The following SCAMP1 variants were observed in gnomAD, a reference collection of about 807,000 sequenced individuals.
The protein encoded by SCAMP1 is secretory carrier membrane protein 1, also known as secretory carrier-associated membrane protein 1.
In SCAMP1, 15 loss-of-function variants were observed where a neutral mutation model predicts 41.8. The observed-to-expected ratio is 0.36, with a 90% CI of 0.24 to 0.55. The LOEUF is 0.55. SCAMP1 is among the 20% of genes least tolerant of loss of function. The pLI, the probability that SCAMP1 is intolerant of heterozygous loss-of-function variation, is 0.86. For synonymous variants in SCAMP1, 135 were observed against 136.8 expected, an observed-to-expected ratio of 0.99 and a Z score of 0.09; for missense variants, 341 against 412.6, an observed-to-expected ratio of 0.83 and a Z score of 1.50.
chr5:78,456,387 C>G (rs1391029805), intron 7 of SCAMP1, among the ~76,000 whole-genome samples: 1 of 152,034 alleles, frequency 6.6e-6, no homozygotes, highest in Admixed American at 6.6e-5. Context: ...CTGGTGGTGA[C>G]AAAATCTCTC....
chr5:78,430,100 T>C (rs1752569327), intron 6 of SCAMP1, among the ~76,000 whole-genome samples: 5 of 69,352 alleles, frequency 7.2e-5, no homozygotes, highest in African/African-American at 2.3e-4. Flanking sequence ...TATTTATAAA[T>C]ACAGTATTTA....
At chr5:78,409,420 G>GACAC (rs2112124762) in intron 2 of SCAMP1, among the ~76,000 whole-genome samples, 1 of 48,736 alleles carries the variant, frequency 2.1e-5, no homozygotes, top group South Asian at 7.6e-4. Flanking sequence ...GACACATATA[G>GACAC]ATACACACAC....
chr5:78,447,748 A>G (rs1488556783), intron 6 of SCAMP1, among the ~76,000 whole-genome samples: 1 of 152,038 alleles, frequency 6.6e-6, no homozygotes. Context: ...GCGTGAATAC[A>G]CTGGAGTTCG....
In SCAMP1 at chr5:78,480,002, C is replaced by A. The variant is rs1473043823; in HGVS notation, c.*4334C>A. ...CGGAGCTTGCAGTGAGCCGAGATCT[C>A]TCCACTGCACTCCAGCCTGGGCGAC... is the stretch of plus-strand genomic sequence containing the variant. On this transcript the variant is annotated 3_prime_UTR_variant, in exon 9 of 9. Transcript: ENST00000621999. 6.6e-6 allele frequency among the ~76,000 whole-genome samples: 1 copy of A among 151,744 alleles called. No individual in the cohort carries two copies. Among genetic ancestry groups the A allele is most frequent in the Admixed American group, 6.6e-5 (1 of 15,250 alleles).
rs138833712 is a variant in SCAMP1 at position 78,404,359 on chromosome 5, C to T, written c.136-11161C>T. The stretch of plus-strand genomic sequence containing the variant: ...ACGGGGTCTCACTATATTGCCCAGC[C>T]TGGTCTCAAACGCCTGGGCTCAAAC... On this transcript the variant is annotated intron_variant, in intron 2 of 8. Transcript: ENST00000621999. Among the ~76,000 whole-genome samples the T allele has an allele frequency of 8.6e-5, 13 of 151,666 alleles. No individual in the cohort carries two copies. The East Asian group carries it at 2.5e-3, about 29-fold the overall frequency.
At chr5:78,435,022 A>T (rs1752713450) in intron 6 of SCAMP1, among the ~76,000 whole-genome samples, 1 of 152,236 alleles carries the variant, frequency 6.6e-6, no homozygotes, top group Admixed American at 6.5e-5. Context: ...AACAGTAGGT[A>T]TGTCAGAAAC....
intron 1 of SCAMP1, among the ~76,000 whole-genome samples, chr5:78,381,650 G>A (rs1751207788): frequency 6.6e-6 from 1 of 152,190 alleles, no homozygotes; most frequent in African/African-American, 2.4e-5. Flanking sequence ...AGTAAGTGGA[G>A]TGATTTCATT....
chr5:78,441,444 G>A (rs945843228), intron 6 of SCAMP1, among the ~76,000 whole-genome samples: 2 of 152,110 alleles, frequency 1.3e-5, no homozygotes, highest in Non-Finnish European at 2.9e-5. Flanking sequence ...GATTAAAATA[G>A]TTAGGAAATT....
At chr5:78,384,979 G>A (rs965333738) in intron 1 of SCAMP1, among the ~76,000 whole-genome samples, 14 of 152,084 alleles carry the variant, frequency 9.2e-5, no homozygotes, top group Non-Finnish European at 1.3e-4. Flanking sequence ...ATGATTTAGG[G>A]GGGGATTCCC....
chr5:78,458,032 C>T (rs1479067256), intron 7 of SCAMP1: 1 of 152,886 alleles, frequency 6.5e-6, no homozygotes, highest in Non-Finnish European at 1.5e-5. Context: ...AATGCCTCGC[C>T]CTGCTTCGGC....
At chr5:78,445,829 T>G (rs1753039321) in intron 6 of SCAMP1, among the ~76,000 whole-genome samples, 1 of 152,226 alleles carries the variant, frequency 6.6e-6, no homozygotes, top group African/African-American at 2.4e-5. Context: ...TTGCAGTAAT[T>G]TGGACAGCTC....
At chr5:78,457,050 A>C (rs1753426477) in intron 7 of SCAMP1, among the ~76,000 whole-genome samples, 1 of 121,830 alleles carries the variant, frequency 8.2e-6, no homozygotes, top group Non-Finnish European at 1.7e-5. Flanking sequence ...TCCTTTAAGC[A>C]CTTCTCTGTA....
At chr5:78,382,943 T>C (rs1197963919) in intron 1 of SCAMP1, among the ~76,000 whole-genome samples, 1 of 151,846 alleles carries the variant, frequency 6.6e-6, no homozygotes, top group Non-Finnish European at 1.5e-5. Context: ...TAATGACTTC[T>C]TTTCCTTTGG....
intron 7 of SCAMP1, among the ~76,000 whole-genome samples, chr5:78,452,230 T>A (rs1485653932): frequency 2.0e-5 from 3 of 150,888 alleles, no homozygotes; most frequent in African/African-American, 7.3e-5. Flanking sequence ...CATGTGCACA[T>A]TGTGCAGGTT....
chr5:78,461,135 C>T (rs1753600592), intron 8 of SCAMP1, among the ~76,000 whole-genome samples: 1 of 152,114 alleles, frequency 6.6e-6, no homozygotes, highest in Non-Finnish European at 1.5e-5. Flanking sequence ...GCATGAGCCA[C>T]CACGCCCAGC....
At chr5:78,385,697 G>A (rs529606103) in intron 1 of SCAMP1, among the ~76,000 whole-genome samples, 3 of 152,134 alleles carry the variant, frequency 2.0e-5, no homozygotes, top group Middle Eastern at 3.4e-3. Flanking sequence ...TGATGTTAAT[G>A]TTGACCCAGT....
rs550901896 is a variant in SCAMP1, at chr5:78,480,055, A to T, written c.*4387A>T. On this transcript the variant is annotated 3_prime_UTR_variant, in exon 9 of 9. Transcript: ENST00000621999. The stretch of plus-strand genomic sequence containing the variant: ...AGCGAGACTCCATCTCAAGAAAAAA[A>T]AAAAAGAATTTTCATTAGTGCTGGC... Among the ~76,000 whole-genome samples, 1 of 151,768 alleles carries T rather than the reference A, an allele frequency of 6.6e-6. No homozygotes were observed. Among genetic ancestry groups the T allele is most frequent in the Non-Finnish European group, 1.5e-5 (1 of 67,988 alleles).
At chr5:78,425,683 C>T (rs1436014659) in intron 6 of SCAMP1, among the ~76,000 whole-genome samples, 2 of 152,118 alleles carry the variant, frequency 1.3e-5, no homozygotes, top group Non-Finnish European at 2.9e-5. Context: ...AAATAATGAT[C>T]ATATACTGCC....
At chr5:78,382,405 A>G (rs936115531) in intron 1 of SCAMP1, among the ~76,000 whole-genome samples, 3 of 152,168 alleles carry the variant, frequency 2.0e-5, no homozygotes, top group Non-Finnish European at 4.4e-5. Context: ...ATATACTACA[A>G]TTTTGTGATT....
Sources: allele counts gnomAD v4.1 joint callset (sites outside exome capture counted in the v4.1 genomes callset), GRCh38; gene constraint gnomAD v4.1.1; transcripts MANE v1.5; gene names NCBI Gene and HGNC (gene_info 2026-07-23, HGNC 2026-07-21).